The following ANK3 variants were observed in gnomAD, a reference collection of about 807,000 sequenced individuals.
The protein encoded by ANK3 is ankyrin-3.
Under a neutral mutation model 370.9 loss-of-function variants are expected in ANK3, and 57 were observed. The observed-to-expected ratio is 0.15, with a 90% CI of 0.12 to 0.19. ANK3 has a LOEUF of 0.19. Ranked by LOEUF, ANK3 falls within the 10% of genes least tolerant of loss-of-function variation. The pLI is 1.00. For missense variants in ANK3, 4,439 were observed against 5,302.1 expected (o/e 0.84, Z 5.06); for synonymous variants, 1,929 against 1,946.3 (o/e 0.99, Z 0.23).
intron 28 of ANK3, among the ~76,000 whole-genome samples, chr10:60,101,623 T>C (rs2091274831): frequency 6.6e-6 from 1 of 152,166 alleles, no homozygotes; most frequent in Admixed American, 6.5e-5. Flanking sequence ...GATACCTTAG[T>C]GGTGATGGCA....
chr10:60,407,502 G>T (rs1214176903), intron 2 of ANK3, among the ~76,000 whole-genome samples: 1 of 152,060 alleles, frequency 6.6e-6, no homozygotes, highest in African/African-American at 2.4e-5. Flanking sequence ...TTCTTTAATG[G>T]CTTACCAAAA....
intron 9 of ANK3, among the ~76,000 whole-genome samples, chr10:60,209,228 A>G (rs1464470989): frequency 6.6e-6 from 1 of 152,196 alleles, no homozygotes; most frequent in Non-Finnish European, 1.5e-5. Flanking sequence ...TATTAGGGAA[A>G]AGTAATTTGA....
At chr10:60,721,045 G>A (rs185112148) in intron 1 of ANK3, among the ~76,000 whole-genome samples, 2 of 152,316 alleles carry the variant, frequency 1.3e-5, no homozygotes, top group East Asian at 3.9e-4. Context: ...ATGTGAGTAA[G>A]CAGATATAAA....
intron 7 of ANK3, among the ~76,000 whole-genome samples, chr10:60,235,550 G>GTTTTTTTTTTTTTTTTTTTTTT (rs72388493): frequency 8.7e-6 from 1 of 115,052 alleles, no homozygotes; most frequent in Non-Finnish European, 1.7e-5. Flanking sequence ...CTGATTTCTT[G>GTTTTTTTTTTTTTTTTTTTTTT]TTTTTTTTTT....
At chr10:60,696,883 G>T (rs1247422789) in intron 1 of ANK3, among the ~76,000 whole-genome samples, 1 of 144,552 alleles carries the variant, frequency 6.9e-6, no homozygotes, top group East Asian at 2.0e-4. Context: ...ATTCAACATA[G>T]TGTTGGAAGT....
At chr10:60,536,804 T>A (rs1007675513) in intron 2 of ANK3, among the ~76,000 whole-genome samples, 1 of 152,070 alleles carries the variant, frequency 6.6e-6, no homozygotes, top group African/African-American at 2.4e-5. Flanking sequence ...TTTCTTCTTC[T>A]TTAAGTAATA....
intron 2 of ANK3, among the ~76,000 whole-genome samples, chr10:60,564,337 G>A (rs921923874): frequency 1.3e-4 from 20 of 152,116 alleles, no homozygotes; most frequent in African/African-American, 2.9e-4. Context: ...CACTGAACAC[G>A]TGACCATGCT....
chr10:60,383,358 A>T (rs1363039111), intron 1 of ANK3, among the ~76,000 whole-genome samples: 1 of 152,134 alleles, frequency 6.6e-6, no homozygotes, highest in African/African-American at 2.4e-5. Flanking sequence ...ACCCTATCCT[A>T]AGCACATCCT....
At chr10:60,489,613 C>T (rs1326940185) in intron 2 of ANK3, among the ~76,000 whole-genome samples, 9 of 152,116 alleles carry the variant, frequency 5.9e-5, no homozygotes, top group Admixed American at 1.3e-4. Flanking sequence ...AGTTCAAATT[C>T]ATCTTTCACC....
intron 24 of ANK3, among the ~76,000 whole-genome samples, chr10:60,136,142 A>G (rs1184251312): frequency 6.6e-6 from 1 of 151,464 alleles, no homozygotes; most frequent in Admixed American, 6.6e-5. Context: ...TCCTGTTTCT[A>G]TTCTCTTACC....
intron 1 of ANK3, among the ~76,000 whole-genome samples, chr10:60,316,050 C>T (rs1413392127): frequency 6.6e-6 from 1 of 152,076 alleles, no homozygotes; most frequent in Non-Finnish European, 1.5e-5. Flanking sequence ...CTCAGGGCTC[C>T]CTCAACATCA....
intron 23 of ANK3, among the ~76,000 whole-genome samples, chr10:60,150,373 T>G (rs1292849973): frequency 6.6e-6 from 1 of 152,186 alleles, no homozygotes; most frequent in Non-Finnish European, 1.5e-5. Context: ...AATTTCTGTG[T>G]GTCCAAATCC....
chr10:60,593,015 TC>T (rs2077938347), intron 2 of ANK3, among the ~76,000 whole-genome samples: 2 of 152,176 alleles, frequency 1.3e-5, no homozygotes, highest in Admixed American at 1.3e-4. Context: ...CCCTTTTTCT[TC>T]CCTCTTTTTG....
chr10:60,398,790 G>A (rs918523070), intron 2 of ANK3, among the ~76,000 whole-genome samples: 12 of 152,096 alleles, frequency 7.9e-5, no homozygotes, highest in Admixed American at 5.9e-4. Context: ...ATTGCATATG[G>A]CATTCACTCA....
intron 2 of ANK3, among the ~76,000 whole-genome samples, chr10:60,574,595 C>A (rs912963346): frequency 8.5e-5 from 13 of 152,138 alleles, no homozygotes; most frequent in Admixed American, 6.5e-4. Flanking sequence ...GTGATTCAAC[C>A]CTTGCTCATC....
At chr10:60,204,306 C>G (rs1157838213) in intron 11 of ANK3, among the ~76,000 whole-genome samples, 1 of 152,136 alleles carries the variant, frequency 6.6e-6, no homozygotes, top group Non-Finnish European at 1.5e-5. Flanking sequence ...GAACAGAGAG[C>G]TGGATTACTG....
intron 1 of ANK3, among the ~76,000 whole-genome samples, chr10:60,346,745 A>G (rs912909971): frequency 2.6e-5 from 4 of 152,086 alleles, no homozygotes; most frequent in Non-Finnish European, 4.4e-5. Context: ...AGAGTAAGCT[A>G]TGCCTCATGT....
At chr10:60,675,339 T>C (rs1055589494) in intron 1 of ANK3, among the ~76,000 whole-genome samples, 1 of 152,174 alleles carries the variant, frequency 6.6e-6, no homozygotes, top group Non-Finnish European at 1.5e-5. Context: ...AGGTCATCAC[T>C]AAATGTTTGC....
At chr10:60,489,394 TTTA>T (rs530829695) in intron 2 of ANK3, among the ~76,000 whole-genome samples, 88 of 152,254 alleles carry the variant, frequency 5.8e-4, no homozygotes, top group Middle Eastern at 3.4e-3. Flanking sequence ...TTATATTTTA[TTTA>T]TTATGAGTAG....
Sources: gnomAD v4.1 joint callset for allele counts (sites outside exome capture counted in the v4.1 genomes callset) on GRCh38, gnomAD v4.1.1 for gene constraint, MANE v1.5 for transcripts, NCBI Gene and HGNC (gene_info 2026-07-23, HGNC 2026-07-21) for gene names.